The following ANK2 variants were observed in gnomAD, a reference collection of about 807,000 sequenced individuals.
The protein encoded by ANK2 is ankyrin-2.
Under a neutral mutation model 360.5 loss-of-function variants are expected in ANK2, and 83 were observed. The observed-to-expected ratio is 0.23, with a 90% CI of 0.19 to 0.28. The LOEUF is 0.28. ANK2 is among the 10% of genes least tolerant of loss of function. The pLI is 1.00. For missense variants in ANK2, 4,201 were observed against 4,795.7 expected (o/e 0.88, Z 3.66); for synonymous variants, 1,740 against 1,759.5 (o/e 0.99, Z 0.28).
the ANK2 span, among the ~76,000 whole-genome samples, chr4:112,812,202 A>G: frequency 6.7e-4 from 35 of 51,856 alleles, no homozygotes; most frequent in South Asian, 0.019. Flanking sequence ...AGTTACCTCA[A>G]TGAGGGGCAA....
At chr4:112,856,440 A>G (rs914811849) in intron 1 of ANK2, among the ~76,000 whole-genome samples, 1 of 152,212 alleles carries the variant, frequency 6.6e-6, no homozygotes, top group Non-Finnish European at 1.5e-5. Context: ...TTAAAAGTGT[A>G]TTATTGGCCG....
Position 113,278,564 on chromosome 4 carries a change from G to T in ANK2, c.1881+6G>T. 6.2e-7 allele frequency: 1 copy of T among 1,613,404 alleles called. No homozygotes were observed. The highest frequency in any genetic ancestry group is 1.1e-5 in the South Asian group (1 of 91,034). ...CCCCTCATGCCACTGCCAAGGTGAGGACCACAGAAAAGGATTTACAGGCAT... is the reference window on the plus strand; with the variant it reads ...CCCCTCATGCCACTGCCAAGGTGAGTACCACAGAAAAGGATTTACAGGCAT... On this transcript the variant is annotated splice_donor_region_variant and intron_variant, in intron 17 of 45. Transcript: ENST00000357077.
chr4:112,902,806 T>C (rs572181871), intron 1 of ANK2, among the ~76,000 whole-genome samples: 1 of 152,324 alleles, frequency 6.6e-6, no homozygotes, highest in South Asian at 2.1e-4. Flanking sequence ...ATAGCTCCTA[T>C]TAAGGTTTAT....
the ANK2 span, among the ~76,000 whole-genome samples, chr4:112,713,942 AAAC>A: frequency 9.9e-5 from 15 of 151,298 alleles, 1 homozygote; most frequent in South Asian, 2.1e-4. Context: ...TCAAAAAAAA[AAAC>A]AAAAAAAAAA....
chr4:113,289,576 T>C (rs796325833), intron 20 of ANK2, among the ~76,000 whole-genome samples: 2 of 152,324 alleles, frequency 1.3e-5, no homozygotes, highest in African/African-American at 4.8e-5. Context: ...ATTCAGGACT[T>C]TTCAAAGCCA....
chr4:112,826,223 C>G, intron 1 of ANK2: 1 of 360,782 alleles, frequency 2.8e-6, no homozygotes, highest in Non-Finnish European at 5.1e-6. Flanking sequence ...TCCAGTCAGT[C>G]CAGACTTTCT....
Position 113,250,762 on chromosome 4 carries a change from C to CCT in ANK2, c.990+901_990+902insTC, listed in dbSNP as rs980441965. 1.7e-4 allele frequency among the ~76,000 whole-genome samples: 23 copies of CCT among 137,026 alleles called. 4 individuals are homozygous for CCT. The highest frequency in any genetic ancestry group is 1.5e-3 in the East Asian group (7 of 4,550). The allele number at this position is 137,026 out of a possible 152,430, so 89.9% of individuals were successfully genotyped here. The stretch of plus-strand genomic sequence containing the variant: ...ATTCCACCTCATACCACCGCCCCCC[C>CCT]CCCCGACAGAGTTGGTATCAACTAA... On this transcript the variant is annotated intron_variant, in intron 10 of 45. Transcript: ENST00000357077.
intron 22 of ANK2, among the ~76,000 whole-genome samples, chr4:113,301,480 T>G (rs898814502): frequency 6.6e-6 from 1 of 152,146 alleles, no homozygotes; most frequent in South Asian, 2.1e-4. Flanking sequence ...CTTTTTTTTG[T>G]GATGAGCGCA....
At chr4:112,832,807 T>C (rs2060093082) in intron 1 of ANK2, among the ~76,000 whole-genome samples, 1 of 152,252 alleles carries the variant, frequency 6.6e-6, no homozygotes, top group South Asian at 2.1e-4. Flanking sequence ...TAAAAGGATA[T>C]ATATTCTTGC....
intron 1 of ANK2, among the ~76,000 whole-genome samples, chr4:113,124,910 G>T (rs1582316936): frequency 6.6e-6 from 1 of 151,986 alleles, no homozygotes; most frequent in African/African-American, 2.4e-5. Flanking sequence ...CGTGAGGAGA[G>T]CTTGAAGCCA....
chr4:112,770,846 A>G, the ANK2 span, among the ~76,000 whole-genome samples: 2 of 152,228 alleles, frequency 1.3e-5, no homozygotes, highest in South Asian at 4.1e-4. Context: ...TTCCCGCCCC[A>G]TAGTGATACA....
chr4:113,301,606 A>G (rs1022739786), intron 22 of ANK2, among the ~76,000 whole-genome samples: 1 of 152,136 alleles, frequency 6.6e-6, no homozygotes, highest in African/African-American at 2.4e-5. Context: ...AAAATTTTGT[A>G]TCTTTTAACC....
At chr4:113,209,969 T>A (rs936012491) in intron 4 of ANK2, among the ~76,000 whole-genome samples, 2 of 152,226 alleles carry the variant, frequency 1.3e-5, no homozygotes, top group African/African-American at 4.8e-5. Context: ...CAGGGGCTTC[T>A]GTGCCAGCAG....
At chr4:113,259,880 AAAC>A (rs1171406654) in intron 13 of ANK2, among the ~76,000 whole-genome samples, 2 of 151,610 alleles carry the variant, frequency 1.3e-5, no homozygotes, top group Admixed American at 6.6e-5. Flanking sequence ...AACAAAAAAC[AAAC>A]AACAACAACA....
At chr4:113,314,033 TA>T (rs2081499443) in intron 24 of ANK2, among the ~76,000 whole-genome samples, 1 of 152,170 alleles carries the variant, frequency 6.6e-6, no homozygotes, top group African/African-American at 2.4e-5. Flanking sequence ...CCAATTAGCC[TA>T]TGTGTAGTTG....
At chr4:113,074,299 C>G (rs1188047870) in intron 1 of ANK2, among the ~76,000 whole-genome samples, 1 of 152,082 alleles carries the variant, frequency 6.6e-6, no homozygotes, top group African/African-American at 2.4e-5. Flanking sequence ...GGGAACCTAC[C>G]ATCTAAGACA....
chr4:112,760,732 T>G, the ANK2 span, among the ~76,000 whole-genome samples: 1 of 151,934 alleles, frequency 6.6e-6, no homozygotes, highest in South Asian at 2.1e-4. Flanking sequence ...TCCTGGAGAC[T>G]TAATGGGATT....
chr4:112,908,894 A>G lies in ANK2; in HGVS notation c.21+4380A>G, dbSNP rs528040564. Among the ~76,000 whole-genome samples, 10 of 152,312 alleles carry G rather than the reference A, an allele frequency of 6.6e-5. No individual in the cohort carries two copies. The East Asian group carries it at 1.9e-3, about 29-fold the overall frequency. ...GAACCACACATTAAGATCTGTACCT[A>G]TGGCACATGAAATCTTGTTCTAGTT... On this transcript the variant is annotated intron_variant, in intron 2 of 30. Coordinates refer to the ANK2 transcript ENST00000503271.
the ANK2 span, among the ~76,000 whole-genome samples, chr4:112,715,820 T>C: frequency 6.6e-6 from 1 of 152,104 alleles, no homozygotes; most frequent in Non-Finnish European, 1.5e-5. Context: ...CTTGCTCACA[T>C]AGGGCCTGCA....
Sources: allele counts gnomAD v4.1 joint callset (sites outside exome capture counted in the v4.1 genomes callset), GRCh38; gene constraint gnomAD v4.1.1; transcripts MANE v1.5; gene names NCBI Gene and HGNC (gene_info 2026-07-23, HGNC 2026-07-21).